Variants in STK35 observed in about 807,000 individuals in gnomAD.
The protein encoded by STK35 is serine/threonine kinase 35, also known as serine/threonine-protein kinase 35.
STK35 carries 17 observed loss-of-function variants against 37.3 expected under a neutral mutation model. That is an observed-to-expected ratio of 0.46 (90% CI 0.31 to 0.68). The LOEUF is 0.68. STK35 is among the 30% of genes least tolerant of loss of function. STK35 has a pLI of 0.05. For synonymous variants in STK35, 385 were observed against 319.1 expected, an observed-to-expected ratio of 1.21 and a Z score of -2.20; for missense variants, 595 against 746.7, an observed-to-expected ratio of 0.80 and a Z score of 2.37.
Position 2,102,916 on chromosome 20 carries a change from C to A in STK35, c.443C>A (p.Pro148Gln). The A allele has an allele frequency of 6.4e-7, 1 of 1,555,152 alleles. No homozygotes were observed. Among genetic ancestry groups the A allele is most frequent in the Non-Finnish European group, 8.6e-7 (1 of 1,159,360 alleles). The change falls in exon 2 of 4, where the codon CCG becomes CAG. Residue 148 changes from proline (P) to glutamine (Q), a missense_variant. Around this residue, in one of 3 missense-constraint regions of STK35, gnomAD observed 389 missense variants for 320.0 expected, o/e 1.22. Transcript: ENST00000381482. ...KDGARRGTQS[P>Q]ERKRRSPVPR... ...GGCGCCCGCAGAGGTACACAAAGCCCGGAGCGGAAAAGGCGAAGCCCAGTG... is the reference window on the plus strand; with the variant it reads ...GGCGCCCGCAGAGGTACACAAAGCCAGGAGCGGAAAAGGCGAAGCCCAGTG...
In STK35 at chr20:2,115,786, A is replaced by G. The variant is rs573441399; in HGVS notation, c.893-880A>G. Among the ~76,000 whole-genome samples, 4 of 152,060 alleles carry G rather than the reference A, an allele frequency of 2.6e-5. No individual in the cohort carries two copies. In the East Asian group the frequency reaches 5.8e-4, roughly 22 times the overall value. On this transcript the variant is annotated intron_variant, in intron 2 of 3. Transcript: ENST00000381482. ...GTCCCTGTGTTCCATCATCCATTCCATCTTTCAGCCTAGAATTACCTTCCT... is the reference window on the plus strand; with the variant it reads ...GTCCCTGTGTTCCATCATCCATTCCGTCTTTCAGCCTAGAATTACCTTCCT...
At chr20:2,103,461 A>G in intron 2 of STK35, 96 bp downstream of exon 2, 1 of 1,203,040 alleles carries the variant, frequency 8.3e-7, no homozygotes. Context: ...CCTAGGCCTC[A>G]GACCTGGTCC....
At chr20:2,136,506 C>T (rs1986089085) in intron 3 of STK35, among the ~76,000 whole-genome samples, 1 of 152,210 alleles carries the variant, frequency 6.6e-6, no homozygotes, top group Admixed American at 6.5e-5. Flanking sequence ...CATCACTGTC[C>T]ACACCTGGCT....
intron 3 of STK35, among the ~76,000 whole-genome samples, chr20:2,132,709 G>A (rs564053736): frequency 2.4e-4 from 37 of 152,354 alleles, no homozygotes; most frequent in South Asian, 2.3e-3. Flanking sequence ...ATCTGAATAG[G>A]AAGATGAGAA....
In STK35 at chr20:2,103,005, G is replaced by A. The variant is rs1985435218; in HGVS notation, c.532G>A (p.Ala178Thr). ...AAARAMDPVA[A>T]EAPGEAFLAR... ...GGCCCGGGCCATGGATCCGGTGGCG[G>A]CCGAGGCCCCGGGCGAGGCCTTCCT... The change falls in exon 2 of 4, where the codon GCC (alanine) becomes ACC (threonine). Residue 178 changes from alanine to threonine, a missense_variant. Physicochemically the swap from Ala to Thr is moderately conservative, Grantham distance 58 (BLOSUM62 0). Coordinates refer to ENST00000381482, the MANE Select transcript of STK35 (RefSeq NM_080836.4). 1 of 1,421,716 alleles carries A rather than the reference G, an allele frequency of 7.0e-7. No homozygotes were observed. 88.1% of individuals were successfully genotyped at this position (1,421,716 alleles called of 1,614,324 possible).
Position 2,136,600 on chromosome 20 carries a change from CAT to C in STK35, c.*38-7183_*38-7182del, listed in dbSNP as rs1327661392. 1.6e-4 allele frequency among the ~76,000 whole-genome samples: 24 copies of C among 152,340 alleles called. No homozygotes were observed. The East Asian group carries it at 3.3e-3, about 21-fold the overall frequency. Reference sequence around the variant, plus strand: ...CCAAAGGCAGAGATTTTTTTATAATCATGTGTTTATGTTAAAACCCTATCATG... The same window carrying C: ...CCAAAGGCAGAGATTTTTTTATAATCGTGTTTATGTTAAAACCCTATCATG... On this transcript the variant is annotated intron_variant, in intron 3 of 3. Coordinates refer to ENST00000381482, the MANE Select transcript of STK35 (RefSeq NM_080836.4).
intron 2 of STK35, among the ~76,000 whole-genome samples, chr20:2,110,293 A>G (rs1304436592): frequency 6.6e-6 from 1 of 152,186 alleles, no homozygotes; most frequent in East Asian, 1.9e-4. Context: ...CTTTTTCTTA[A>G]GACATAACTT....
chr20:2,126,148 G>A (rs1296373066), intron 3 of STK35, among the ~76,000 whole-genome samples: 1 of 152,208 alleles, frequency 6.6e-6, no homozygotes, highest in African/African-American at 2.4e-5. Flanking sequence ...CGTCACTCAT[G>A]CTTACTCCAA....
chr20:2,130,588 A>G (rs1985983214), intron 3 of STK35, among the ~76,000 whole-genome samples: 1 of 151,790 alleles, frequency 6.6e-6, no homozygotes, highest in Non-Finnish European at 1.5e-5. Context: ...CTCTCTCTTT[A>G]TTTATTTATT....
intron 3 of STK35, among the ~76,000 whole-genome samples, chr20:2,141,869 G>C (rs554737900): frequency 6.6e-6 from 1 of 152,314 alleles, no homozygotes; most frequent in South Asian, 2.1e-4. Flanking sequence ...AGGATCATTT[G>C]CTTACTTAAT....
At chr20:2,130,316 C>T (rs1407232829) in intron 3 of STK35, among the ~76,000 whole-genome samples, 1 of 152,060 alleles carries the variant, frequency 6.6e-6, no homozygotes, top group African/African-American at 2.4e-5. Flanking sequence ...CAGAATGGTC[C>T]CTTGGACTCG....
At chr20:2,121,433 G>T (rs1410768355) in intron 3 of STK35, among the ~76,000 whole-genome samples, 1 of 152,168 alleles carries the variant, frequency 6.6e-6, no homozygotes, top group Non-Finnish European at 1.5e-5. Context: ...GTCAGCCTAA[G>T]TGATGGGAAG....
At chr20:2,116,578 C>G in intron 2 of STK35, 88 bp from the exon 3 acceptor site, 1 of 1,398,982 alleles carries the variant, frequency 7.1e-7, no homozygotes, top group Non-Finnish European at 9.7e-7. Context: ...TCACCAATGT[C>G]ACTCTTGAAT....
At chr20:2,127,677 G>A (rs1445179109) in intron 3 of STK35, among the ~76,000 whole-genome samples, 1 of 152,088 alleles carries the variant, frequency 6.6e-6, no homozygotes, top group Non-Finnish European at 1.5e-5. Context: ...AGCATCTTAG[G>A]GGCCAGGGTA....
At chr20:2,125,714 A>G (rs1985893406) in intron 3 of STK35, among the ~76,000 whole-genome samples, 1 of 152,236 alleles carries the variant, frequency 6.6e-6, no homozygotes, top group Non-Finnish European at 1.5e-5. Flanking sequence ...CTCCTGTGTT[A>G]CAATGACTGC....
intron 2 of STK35, 62 bp from the exon 3 acceptor site, chr20:2,116,604 G>C: frequency 6.6e-7 from 1 of 1,525,742 alleles, no homozygotes; most frequent in Non-Finnish European, 8.9e-7. Context: ...GCATCCTTTA[G>C]TTAAAAAGAA....
intron 2 of STK35, 51 bp from the exon 3 acceptor site, chr20:2,116,615 G>T (rs373476216): frequency 1.9e-6 from 3 of 1,551,956 alleles, no homozygotes; most frequent in Non-Finnish European, 2.6e-6. Flanking sequence ...TTAAAAAGAA[G>T]TGTGACTGTG....
At chr20:2,142,072 A>T (rs1266539264) in intron 3 of STK35, among the ~76,000 whole-genome samples, 1 of 152,204 alleles carries the variant, frequency 6.6e-6, no homozygotes, top group Non-Finnish European at 1.5e-5. Context: ...CTCCTCCAGC[A>T]GTGTGCGGGG....
At chr20:2,118,072 A>C (rs553211798) in intron 3 of STK35, among the ~76,000 whole-genome samples, 126 of 152,318 alleles carry the variant, frequency 8.3e-4, no homozygotes, top group African/African-American at 2.9e-3. Context: ...CTCTGATTGT[A>C]TCCCACCTAC....
Sources: allele counts gnomAD v4.1 joint callset (sites outside exome capture counted in the v4.1 genomes callset), GRCh38; gene constraint gnomAD v4.1.1; regional missense constraint gnomAD v4.1.1; transcripts MANE v1.5; gene names NCBI Gene and HGNC (gene_info 2026-07-23, HGNC 2026-07-21).